PCDHGA2: variants seen among roughly 807,000 people sequenced by gnomAD.
PCDHGA2 encodes protocadherin gamma subfamily A, 2, also known as protocadherin gamma-A2.
In PCDHGA2, 40 loss-of-function variants were observed where a neutral mutation model predicts 59.2. The observed-to-expected ratio is 0.68, with a 90% CI of 0.52 to 0.88. The LOEUF (loss-of-function observed/expected upper bound fraction) is 0.88, where lower values mean the gene tolerates loss of function less well. Among genes scored for constraint, PCDHGA2 ranks in the 40% least tolerant of loss-of-function variants. PCDHGA2 has a pLI of 0.00. For synonymous variants in PCDHGA2, 560 were observed against 526.0 expected (o/e 1.06, Z -0.89); for missense variants, 1,226 against 1,204.0 (o/e 1.02, Z -0.27).
At chr5:141,414,473 G>T (rs371832510) in intron 1 of PCDHGA2, 1 of 1,613,908 alleles carries the variant, frequency 6.2e-7, no homozygotes, top group Non-Finnish European at 8.5e-7. Flanking sequence ...GATGGGGGAA[G>T]TCCTCCTCTA....
chr5:141,455,107 C>T (rs1027661420), intron 1 of PCDHGA2, among the ~76,000 whole-genome samples: 20 of 151,774 alleles, frequency 1.3e-4, no homozygotes, highest in Non-Finnish European at 2.4e-4. Context: ...CCACTGCGCC[C>T]GGTGGGTCTA....
chr5:141,371,116 T>C, intron 1 of PCDHGA2: 1 of 1,613,914 alleles, frequency 6.2e-7, no homozygotes, highest in Non-Finnish European at 8.5e-7. Context: ...AACCCCCCAG[T>C]ATTTACTCAG....
chr5:141,508,045 T>A (rs985875804), intron 3 of PCDHGA2: 1 of 152,264 alleles, frequency 6.6e-6, no homozygotes, highest in Non-Finnish European at 1.5e-5. Flanking sequence ...GCCAGCTGTG[T>A]TCCAGCTAAT....
chr5:141,394,925 C>T (rs771405918), intron 1 of PCDHGA2: 9 of 1,613,696 alleles, frequency 5.6e-6, no homozygotes, highest in South Asian at 1.1e-5. Context: ...CCTGTGTCTT[C>T]CTCGCCTTTG....
At chr5:141,480,956 C>G (rs2099528870) in intron 1 of PCDHGA2, among the ~76,000 whole-genome samples, 1 of 152,064 alleles carries the variant, frequency 6.6e-6, no homozygotes, top group South Asian at 2.1e-4. Flanking sequence ...GAGGCGGAAG[C>G]ATCAGTGAGG....
rs76218301 is a variant in PCDHGA2 at position 141,380,317 on chromosome 5, A to G, written c.2424+38922A>G. On this transcript the variant is annotated intron_variant, in intron 1 of 3. Transcript: ENST00000394576. ...CCTATATCTTTGCTTGAGAATGAAA[A>G]TCTAAATGGAACTTCAAAGAACTGT... is the stretch of plus-strand genomic sequence containing the variant. Among the ~76,000 whole-genome samples the G allele has an allele frequency of 1.7e-4, 26 of 152,324 alleles. No individual in the cohort carries two copies. The East Asian group carries it at 5.0e-3, about 29-fold the overall frequency.
chr5:141,490,405 ATC>A lies in PCDHGA2; in HGVS notation c.2425-4397_2425-4396del, dbSNP rs765446736. 1 of 1,614,142 alleles carries A rather than the reference ATC, an allele frequency of 6.2e-7. No individual in the cohort carries two copies. The highest frequency in any genetic ancestry group is 8.5e-7 in the Non-Finnish European group (1 of 1,180,028). ...TAGAAATGGTGAAGTGAGCCTTGATATCTCTCCGGACCTGCCATTTCAGATTA... is the reference window on the plus strand; with the variant it reads ...TAGAAATGGTGAAGTGAGCCTTGATATCTCCGGACCTGCCATTTCAGATTA... On this transcript the variant is annotated intron_variant, in intron 1 of 3. Transcript: ENST00000394576. The surrounding 1 kb of genome is among the most constrained non-coding windows in gnomAD (Gnocchi z 5.4).
intron 1 of PCDHGA2, among the ~76,000 whole-genome samples, chr5:141,471,035 G>A (rs2099247157): frequency 7.1e-6 from 1 of 141,386 alleles, no homozygotes; most frequent in Admixed American, 7.1e-5. Flanking sequence ...TTATTAACAA[G>A]CCCAAGCCCT....
At chr5:141,481,240 T>G (rs1323124277) in intron 1 of PCDHGA2, among the ~76,000 whole-genome samples, 1 of 152,208 alleles carries the variant, frequency 6.6e-6, no homozygotes, top group Non-Finnish European at 1.5e-5. Flanking sequence ...AAGTATTACA[T>G]AGCATAGCTC....
chr5:141,343,842 T>C, intron 1 of PCDHGA2: 1 of 514,310 alleles, frequency 1.9e-6, no homozygotes, highest in South Asian at 3.9e-5. Context: ...ATTTCCTTGC[T>C]CCTAAAATGC....
intron 1 of PCDHGA2, 118 bp downstream of exon 1, chr5:141,341,513 A>C (rs1203166693): frequency 2.6e-6 from 4 of 1,530,834 alleles, no homozygotes; most frequent in Non-Finnish European, 3.5e-6. Context: ...AGTTTTAGGA[A>C]GTGAGTCTTG....
At chr5:141,358,058 T>C (rs1166026389) in intron 1 of PCDHGA2, among the ~76,000 whole-genome samples, 9 of 152,056 alleles carry the variant, frequency 5.9e-5, no homozygotes, top group Non-Finnish European at 1.0e-4. Flanking sequence ...GGCGTGGTGG[T>C]GTGTGCCCGT....
intron 1 of PCDHGA2, chr5:141,397,859 C>T: frequency 1.8e-6 from 1 of 559,674 alleles, no homozygotes. Context: ...CTGTAGTTTC[C>T]TAGTGCTGAC....
chr5:141,399,370 A>C (rs1466560972), intron 1 of PCDHGA2: 2 of 1,614,004 alleles, frequency 1.2e-6, no homozygotes, highest in Non-Finnish European at 1.7e-6. Context: ...CCCGGAGTAC[A>C]ATGTCACCAT....
At chr5:141,383,694 T>C (rs369728109) in intron 1 of PCDHGA2, 13 of 1,613,890 alleles carry the variant, frequency 8.1e-6, no homozygotes, top group Middle Eastern at 1.6e-4. Context: ...TCACGGTACA[T>C]GCTATCGACC....
At position 141,375,343 on chromosome 5, in the gene PCDHGA2, C is replaced by T. The variant is rs114810218; in HGVS notation, c.2424+33948C>T. 5.4e-3 allele frequency: 8,654 copies of T among 1,613,832 alleles called. 30 individuals are homozygous for T. Among genetic ancestry groups the T allele is most frequent in the Non-Finnish European group, 6.4e-3 (7,546 of 1,179,894 alleles). The stretch of plus-strand genomic sequence containing the variant: ...GGGAAGAGGTATTCTTGTACAACAT[C>T]ACTGTGACAGCCACGGACAAAGGAA... On this transcript the variant is annotated intron_variant, in intron 1 of 3. Transcript: ENST00000394576.
chr5:141,494,431 T>C (rs1403792155), intron 1 of PCDHGA2, among the ~76,000 whole-genome samples: 1 of 152,158 alleles, frequency 6.6e-6, no homozygotes, highest in Non-Finnish European at 1.5e-5. Context: ...TTGAAAAGCC[T>C]CCTTTGCCAC....
intron 1 of PCDHGA2, chr5:141,371,301 A>T (rs199851082): frequency 6.2e-7 from 1 of 1,613,990 alleles, no homozygotes. Flanking sequence ...GGAACTCACC[A>T]CTATTGGAGA....
intron 1 of PCDHGA2, chr5:141,402,878 G>A: frequency 1.4e-6 from 2 of 1,471,050 alleles, no homozygotes; most frequent in Non-Finnish European, 1.8e-6. Context: ...ACCATACTTT[G>A]CAGGGTGGAA....
Sources: allele counts gnomAD v4.1 joint callset (sites outside exome capture counted in the v4.1 genomes callset), GRCh38; gene constraint gnomAD v4.1.1; non-coding constraint Gnocchi (gnomAD v3.1); transcripts MANE v1.5; gene names NCBI Gene and HGNC (gene_info 2026-07-23, HGNC 2026-07-21).